TMEM132D: variants seen among roughly 807,000 people sequenced by gnomAD.
TMEM132D encodes mature OL transmembrane protein.
Under a neutral mutation model 62.3 loss-of-function variants are expected in TMEM132D, and 21 were observed. The ratio of observed to expected loss-of-function variants is 0.34; its 90% CI spans 0.24 to 0.49. The LOEUF (loss-of-function observed/expected upper bound fraction) is 0.49, where lower values mean the gene tolerates loss of function less well. Among genes scored for constraint, TMEM132D ranks in the 20% least tolerant of loss-of-function variants. TMEM132D has a pLI of 0.99. For missense variants in TMEM132D, 1,346 were observed against 1,402.8 expected (o/e 0.96, Z 0.65); for synonymous variants, 621 against 575.6 (o/e 1.08, Z -1.13).
intron 3 of TMEM132D, among the ~76,000 whole-genome samples, chr12:129,383,891 C>G (rs957330559): frequency 1.3e-5 from 2 of 152,186 alleles, no homozygotes; most frequent in African/African-American, 4.8e-5. Context: ...TCTGGGCAGG[C>G]CCAGGTCATC....
intron 2 of TMEM132D, among the ~76,000 whole-genome samples, chr12:129,643,065 C>G (rs1244071655): frequency 6.6e-6 from 1 of 151,614 alleles, no homozygotes; most frequent in African/African-American, 2.4e-5. Context: ...GTTGGGATTA[C>G]AGGCACACTC....
intron 5 of TMEM132D, among the ~76,000 whole-genome samples, chr12:129,198,462 C>A (rs1269978369): frequency 6.6e-6 from 1 of 152,068 alleles, no homozygotes; most frequent in South Asian, 2.1e-4. Context: ...TACATATAAA[C>A]AATGGAATAC....
chr12:129,547,795 T>A (rs1456201168), intron 2 of TMEM132D, among the ~76,000 whole-genome samples: 1 of 152,176 alleles, frequency 6.6e-6, no homozygotes, highest in Non-Finnish European at 1.5e-5. Flanking sequence ...TATAACTTTG[T>A]AAGAGTTGTT....
chr12:129,720,982 G>A (rs1868804139), intron 1 of TMEM132D, among the ~76,000 whole-genome samples: 1 of 152,256 alleles, frequency 6.6e-6, no homozygotes, highest in Non-Finnish European at 1.5e-5. Context: ...CTTCAGAGGT[G>A]AGGAATCACT....
intron 2 of TMEM132D, among the ~76,000 whole-genome samples, chr12:129,607,661 G>T (rs766594604): frequency 1.3e-5 from 2 of 152,202 alleles, no homozygotes; most frequent in Non-Finnish European, 2.9e-5. Context: ...ACCCTTGACT[G>T]CACACACTGA....
At chr12:129,579,842 A>G (rs1877792646) in intron 2 of TMEM132D, among the ~76,000 whole-genome samples, 1 of 152,200 alleles carries the variant, frequency 6.6e-6, no homozygotes, top group Non-Finnish European at 1.5e-5. Context: ...AATCAAGTTG[A>G]CACTCAATAT....
At chr12:129,198,067 TA>T (rs1437045256) in intron 5 of TMEM132D, among the ~76,000 whole-genome samples, 3 of 152,326 alleles carry the variant, frequency 2.0e-5, no homozygotes, top group South Asian at 4.1e-4. Flanking sequence ...GAATGAAGAT[TA>T]AAACCATTCC....
chr12:129,901,361 T>C (rs977293879), intron 1 of TMEM132D, among the ~76,000 whole-genome samples: 1 of 152,212 alleles, frequency 6.6e-6, no homozygotes, highest in Non-Finnish European at 1.5e-5. Flanking sequence ...TTCCATTTTA[T>C]GCAATTTGCT....
At chr12:129,756,830 C>T (rs1027944610) in intron 1 of TMEM132D, among the ~76,000 whole-genome samples, 7 of 152,188 alleles carry the variant, frequency 4.6e-5, no homozygotes, top group Admixed American at 6.5e-5. Context: ...CTGTCCATGC[C>T]GCTCCAGCAT....
intron 5 of TMEM132D, among the ~76,000 whole-genome samples, chr12:129,188,183 T>C (rs898020710): frequency 7.2e-5 from 11 of 152,176 alleles, no homozygotes; most frequent in African/African-American, 2.7e-4. Context: ...CAGACTTGTG[T>C]CAGCCCTGAG....
chr12:129,077,576 A>T (rs1326631209), intron 8 of TMEM132D, among the ~76,000 whole-genome samples: 1 of 152,100 alleles, frequency 6.6e-6, no homozygotes, highest in Admixed American at 6.6e-5. Flanking sequence ...ACACATACAC[A>T]TATACATGCA....
chr12:129,166,767 A>G (rs1877573064), intron 5 of TMEM132D, among the ~76,000 whole-genome samples: 1 of 7,374 alleles, frequency 1.4e-4, no homozygotes, highest in Non-Finnish European at 3.6e-4. Context: ...ACACACATAT[A>G]TATATATACA....
At chr12:129,206,196 A>C (rs1878842656) in intron 5 of TMEM132D, among the ~76,000 whole-genome samples, 1 of 152,234 alleles carries the variant, frequency 6.6e-6, no homozygotes, top group Non-Finnish European at 1.5e-5. Context: ...AAATATTTGC[A>C]AACTTAGCAT....
At chr12:129,481,562 C>T (rs1355792462) in intron 3 of TMEM132D, among the ~76,000 whole-genome samples, 2 of 151,450 alleles carry the variant, frequency 1.3e-5, no homozygotes, top group African/African-American at 4.9e-5. Flanking sequence ...AATTTACCAA[C>T]ACATACTTGA....
chr12:129,774,110 T>C (rs1447483615), intron 1 of TMEM132D, among the ~76,000 whole-genome samples: 2 of 152,214 alleles, frequency 1.3e-5, no homozygotes, highest in Non-Finnish European at 2.9e-5. Flanking sequence ...CTATCTGTTT[T>C]CAGTTCTGTG....
chr12:129,591,265 A>C (rs1878181784), intron 2 of TMEM132D, among the ~76,000 whole-genome samples: 1 of 152,176 alleles, frequency 6.6e-6, no homozygotes, highest in African/African-American at 2.4e-5. Flanking sequence ...GTAACCCTTA[A>C]ATGACAACAT....
intron 8 of TMEM132D, among the ~76,000 whole-genome samples, chr12:129,077,886 C>T (rs1593252204): frequency 6.8e-6 from 1 of 148,096 alleles, no homozygotes; most frequent in African/African-American, 2.5e-5. Context: ...CACAGACACA[C>T]AAAAACAACA....
intron 2 of TMEM132D, among the ~76,000 whole-genome samples, chr12:129,653,649 C>G (rs948117260): frequency 1.5e-4 from 23 of 152,212 alleles, no homozygotes; most frequent in Admixed American, 6.5e-5. Context: ...TTTCCCAACC[C>G]TTATTGTTGT....
chr12:129,606,084 C>T (rs568486140), intron 2 of TMEM132D, among the ~76,000 whole-genome samples: 1 of 152,314 alleles, frequency 6.6e-6, no homozygotes, highest in East Asian at 1.9e-4. Flanking sequence ...AAAAAAGACA[C>T]TTTCTCTGCA....
Sources: gnomAD v4.1 joint callset for allele counts (sites outside exome capture counted in the v4.1 genomes callset) on GRCh38, gnomAD v4.1.1 for gene constraint, MANE v1.5 for transcripts, NCBI Gene and HGNC (gene_info 2026-07-23, HGNC 2026-07-21) for gene names.